The following COL26A1 variants were observed in gnomAD, a reference collection of about 807,000 sequenced individuals.
COL26A1 encodes the protein collagen type XXVI alpha 1 chain.
Under a neutral mutation model 59.3 loss-of-function variants are expected in COL26A1, and 41 were observed. The ratio of observed to expected loss-of-function variants is 0.69; its 90% CI spans 0.54 to 0.90. COL26A1 has a LOEUF of 0.90. Ranked by LOEUF, COL26A1 falls within the 40% of genes least tolerant of loss-of-function variation. The pLI, the probability that COL26A1 is intolerant of heterozygous loss-of-function variation, is 0.00. For synonymous variants in COL26A1, 266 were observed against 256.0 expected, an observed-to-expected ratio of 1.04 and a Z score of -0.37; for missense variants, 612 against 602.3, an observed-to-expected ratio of 1.02 and a Z score of -0.17.
chr7:101,553,939 C>T (rs897671858), intron 11 of COL26A1, among the ~76,000 whole-genome samples: 3 of 151,602 alleles, frequency 2.0e-5, no homozygotes, highest in Non-Finnish European at 2.9e-5. Flanking sequence ...TGGGGACCTG[C>T]GGCTTCTGGG....
intron 1 of COL26A1, among the ~76,000 whole-genome samples, chr7:101,406,916 C>CT (rs2130224483): frequency 6.6e-6 from 1 of 152,262 alleles, no homozygotes; most frequent in African/African-American, 2.4e-5. Flanking sequence ...CATCACTGCA[C>CT]TCCAGCCCGG....
chr7:101,394,846 A>G (rs911483448), intron 1 of COL26A1, among the ~76,000 whole-genome samples: 1 of 145,028 alleles, frequency 6.9e-6, no homozygotes, highest in African/African-American at 2.5e-5. Context: ...ATTTGTTTCC[A>G]TAAAGCGGTT....
rs146541258 is a variant in COL26A1, at chr7:101,446,149, C to G, written c.282-1535C>G. ...CTGAGAGCCAGAACCCACTTATCAC[C>G]AAGGGGATGGTGCTAGACCATTCAT... On this transcript the variant is annotated intron_variant, in intron 2 of 12. Coordinates refer to ENST00000313669, the MANE Select transcript of COL26A1 (RefSeq NM_001278563.3). 1.7e-3 allele frequency among the ~76,000 whole-genome samples: 260 copies of G among 151,684 alleles called. 2 individuals carry two copies. The highest frequency in any genetic ancestry group is 5.8e-3 in the African/African-American group (240 of 41,346).
rs1484372195 is a variant in COL26A1 at position 101,416,313 on chromosome 7, G to A, written c.159-3664G>A. The stretch of plus-strand genomic sequence containing the variant: ...AGGCTGAGATGGGAGGATTGCATGA[G>A]CCCAGGAGGTTGAGGCTGTGGTGAG... On this transcript the variant is annotated intron_variant, in intron 1 of 12. Transcript: ENST00000313669. 1.4e-5 allele frequency among the ~76,000 whole-genome samples: 2 copies of A among 142,964 alleles called. 1 individual carries two copies. The highest frequency in any genetic ancestry group is 3.2e-5 in the Non-Finnish European group (2 of 63,088). The allele number at this position is 142,964 out of a possible 152,430, so 93.8% of individuals were successfully genotyped here.
chr7:101,415,832 C>T lies in COL26A1; in HGVS notation c.159-4145C>T, dbSNP rs1018870765. 4.0e-5 allele frequency among the ~76,000 whole-genome samples: 6 copies of T among 151,872 alleles called. No homozygotes were observed. The South Asian group carries it at 6.2e-4, about 16-fold the overall frequency. ...TTATTGTATAGAGATGGGGTCTTGC[C>T]GTGTTGCCCAGGTTAGTCTGGAACT... On this transcript the variant is annotated intron_variant, in intron 1 of 12. Transcript: ENST00000313669.
chr7:101,410,381 C>T (rs1238823721), intron 1 of COL26A1, among the ~76,000 whole-genome samples: 1 of 152,154 alleles, frequency 6.6e-6, no homozygotes, highest in African/African-American at 2.4e-5. Flanking sequence ...ATCTTAGCAA[C>T]TTTTGGTTGT....
chr7:101,387,766 A>ATTTTTT (rs1443633156), intron 1 of COL26A1, among the ~76,000 whole-genome samples: 4 of 38,766 alleles, frequency 1.0e-4, no homozygotes, highest in South Asian at 1.3e-3. Context: ...ATATATATAT[A>ATTTTTT]TATATATATA....
chr7:101,485,651 T>A (rs762328918), intron 3 of COL26A1, among the ~76,000 whole-genome samples: 18 of 152,122 alleles, frequency 1.2e-4, no homozygotes, highest in Non-Finnish European at 1.8e-4. Context: ...GCATCCCCAG[T>A]GCCCTGGACA....
intron 3 of COL26A1, among the ~76,000 whole-genome samples, chr7:101,511,778 A>T (rs1021622258): frequency 6.6e-6 from 1 of 152,222 alleles, no homozygotes; most frequent in Non-Finnish European, 1.5e-5. Context: ...GGATTGCATA[A>T]GCACGGGAGT....
At chr7:101,434,764 C>T (rs1792876425) in intron 2 of COL26A1, among the ~76,000 whole-genome samples, 2 of 152,122 alleles carry the variant, frequency 1.3e-5, no homozygotes, top group South Asian at 2.1e-4. Context: ...GGGACAGTGA[C>T]CTTACCTGGG....
intron 3 of COL26A1, among the ~76,000 whole-genome samples, chr7:101,528,699 C>T (rs1795302533): frequency 6.6e-6 from 1 of 152,142 alleles, no homozygotes; most frequent in Middle Eastern, 3.4e-3. Flanking sequence ...TGGCACGCAC[C>T]ACCATGCCTG....
At chr7:101,372,933 C>T (rs944814764) in intron 1 of COL26A1, among the ~76,000 whole-genome samples, 2 of 152,086 alleles carry the variant, frequency 1.3e-5, no homozygotes, top group South Asian at 2.1e-4. Flanking sequence ...AGTTTGAGGC[C>T]GCAGTGAACT....
intron 1 of COL26A1, among the ~76,000 whole-genome samples, chr7:101,365,155 A>C (rs1409858806): frequency 6.6e-6 from 1 of 152,160 alleles, no homozygotes; most frequent in South Asian, 2.1e-4. Context: ...TTCTATGAGG[A>C]GCATTCTCCA....
At chr7:101,447,847 C>T (rs1793238744) in intron 3 of COL26A1, 60 bp downstream of exon 3, 2 of 978,832 alleles carry the variant, frequency 2.0e-6, no homozygotes, top group African/African-American at 1.6e-5. Flanking sequence ...GGAGTTTCTC[C>T]CTTCTCTGGC....
At chr7:101,552,352 T>C (rs1286971996) in intron 10 of COL26A1, among the ~76,000 whole-genome samples, 1 of 152,194 alleles carries the variant, frequency 6.6e-6, no homozygotes, top group Admixed American at 6.5e-5. Context: ...CTCATACCTG[T>C]AACCCCAGTG....
intron 2 of COL26A1, among the ~76,000 whole-genome samples, chr7:101,443,420 T>C (rs1342780592): frequency 6.6e-6 from 1 of 152,214 alleles, no homozygotes; most frequent in East Asian, 1.9e-4. Context: ...GATTCAGAGC[T>C]GTACTTCTGA....
rs750373788 is a variant in COL26A1, at chr7:101,558,115, G to C, written c.*585G>C. 1.3e-5 allele frequency: 2 copies of C among 152,354 alleles called. No homozygotes were observed. Among genetic ancestry groups the C allele is most frequent in the Non-Finnish European group, 2.9e-5 (2 of 68,152 alleles). The allele number at this position is 152,354 out of a possible 1,614,324, so 9.4% of individuals were successfully genotyped here. On this transcript the variant is annotated 3_prime_UTR_variant, in exon 13 of 13. Transcript: ENST00000313669. The stretch of plus-strand genomic sequence containing the variant: ...CAGAACGGCTCCTTAAGGCAGGCAG[G>C]GCTGCGGGGAGGCTGGGCCAGCCAG...
intron 2 of COL26A1, among the ~76,000 whole-genome samples, chr7:101,434,180 T>TCCCTCCC: frequency 2.2e-5 from 3 of 134,890 alleles, no homozygotes; most frequent in African/African-American, 8.6e-5. Flanking sequence ...CCTTCCTTCC[T>TCCCTCCC]TCCTTCTCTC....
At chr7:101,507,793 A>C (rs1794843147) in intron 3 of COL26A1, among the ~76,000 whole-genome samples, 1 of 151,844 alleles carries the variant, frequency 6.6e-6, no homozygotes, top group African/African-American at 2.4e-5. Context: ...ACCAAGAGCA[A>C]GCAGAAATCT....
Sources: allele counts gnomAD v4.1 joint callset (sites outside exome capture counted in the v4.1 genomes callset), GRCh38; gene constraint gnomAD v4.1.1; transcripts MANE v1.5; gene names NCBI Gene and HGNC (gene_info 2026-07-23, HGNC 2026-07-21).